CYP4X1: variants seen among roughly 807,000 people sequenced by gnomAD.
CYP4X1 encodes the protein cytochrome P450 4X1.
In CYP4X1, 44 loss-of-function variants were observed where a neutral mutation model predicts 57.9. The observed-to-expected ratio is 0.76, with a 90% CI of 0.60 to 0.98. The LOEUF is 0.98. Among genes scored for constraint, CYP4X1 ranks in the 50% least tolerant of loss-of-function variants. The probability of loss-of-function intolerance (pLI) is 0.00; values close to 1 mark genes in which losing one functional copy is unlikely to be tolerated. For missense variants in CYP4X1, 532 were observed against 623.9 expected (o/e 0.85, Z 1.57); for synonymous variants, 227 against 228.6 (o/e 0.99, Z 0.06).
chr1:47,053,843 A>T (rs1644374636), downstream of CYP4X1, among the ~76,000 whole-genome samples: 1 of 152,160 alleles, frequency 6.6e-6, no homozygotes, highest in Admixed American at 6.5e-5. Context: ...AGTAGGTTGC[A>T]AAAATTTTCT....
chr1:47,003,551 G>A, the CYP4X1 span, among the ~76,000 whole-genome samples: 1 of 152,012 alleles, frequency 6.6e-6, no homozygotes, highest in South Asian at 2.1e-4. Flanking sequence ...GCATGATGCC[G>A]GCAACTGCTC....
the CYP4X1 span, among the ~76,000 whole-genome samples, chr1:46,964,241 C>T: frequency 6.6e-6 from 1 of 152,196 alleles, no homozygotes; most frequent in Admixed American, 6.5e-5. Context: ...TCTCTCAATG[C>T]ATCAAAGTCA....
chr1:47,016,443 G>A, the CYP4X1 span, among the ~76,000 whole-genome samples: 3 of 151,716 alleles, frequency 2.0e-5, no homozygotes, highest in African/African-American at 7.3e-5. Flanking sequence ...CCAGGTTCAC[G>A]CCATTCTCCT....
chr1:47,030,218 G>T (rs1644111382), intron 2 of CYP4X1, 87 bp downstream of exon 2: 1 of 1,502,734 alleles, frequency 6.7e-7, no homozygotes, highest in South Asian at 1.3e-5. Flanking sequence ...AGCAAAGATT[G>T]GTTTGGGGCC....
chr1:47,026,045 C>T (rs762513423), intron 1 of CYP4X1, among the ~76,000 whole-genome samples: 26 of 152,238 alleles, frequency 1.7e-4, no homozygotes, highest in Non-Finnish European at 4.4e-5. Flanking sequence ...TCTATCCTAA[C>T]TCATGGACAC....
intron 1 of CYP4X1, among the ~76,000 whole-genome samples, chr1:47,024,714 C>G (rs183112870): frequency 6.6e-6 from 1 of 152,108 alleles, no homozygotes; most frequent in Non-Finnish European, 1.5e-5. Context: ...GCAATGGGTG[C>G]TTTACTAGAG....
At chr1:47,002,928 A>G in the CYP4X1 span, 1 of 152,236 alleles carries the variant, frequency 6.6e-6, no homozygotes, top group African/African-American at 2.4e-5. Flanking sequence ...TTGGCAAGAC[A>G]GATCCAGAGG....
chr1:47,046,337 C>A, intron 8 of CYP4X1, 130 bp from the exon 9 acceptor site: 1 of 1,260,498 alleles, frequency 7.9e-7, no homozygotes, highest in Non-Finnish European at 1.1e-6. Flanking sequence ...CCCATTTTAA[C>A]ATTCTGTTAC....
the CYP4X1 span, among the ~76,000 whole-genome samples, chr1:46,973,372 A>G: frequency 6.6e-6 from 1 of 152,008 alleles, no homozygotes; most frequent in African/African-American, 2.4e-5. Context: ...CCTCAGGGGT[A>G]TTGGCCTGAT....
the CYP4X1 span, chr1:46,967,720 T>C: frequency 6.6e-6 from 7 of 1,065,754 alleles, no homozygotes; most frequent in African/African-American, 1.0e-4. Flanking sequence ...CCTCCTGAGA[T>C]GCAGGTGGAT....
chr1:47,017,687 C>T, the CYP4X1 span, among the ~76,000 whole-genome samples: 1 of 152,098 alleles, frequency 6.6e-6, no homozygotes, highest in African/African-American at 2.4e-5. Context: ...CTAATTGCCC[C>T]CTTTGGAGAG....
rs1440883216 is a variant in CYP4X1, at chr1:47,046,609, A to G, written c.1207+9A>G. The G allele has an allele frequency of 1.9e-6, 3 of 1,614,010 alleles. No homozygotes were observed. The Admixed American group carries it at 5.0e-5, about 27-fold the overall frequency. ...ATGCACATTGCCTGCAGGTCTTTAC[A>G]TTCTTTTCCTAAGCAGTTCTTAGAG... On this transcript the variant is annotated intron_variant, in intron 9 of 11. Transcript: ENST00000371901.
chr1:46,989,673 A>C, the CYP4X1 span, among the ~76,000 whole-genome samples: 1 of 152,236 alleles, frequency 6.6e-6, no homozygotes, highest in African/African-American at 2.4e-5. Context: ...ACAGTAACCA[A>C]AACAGCATAG....
intron 10 of CYP4X1, among the ~76,000 whole-genome samples, chr1:47,049,173 AGTACCCTAAAAAAAT>A (rs1644334727): frequency 6.6e-6 from 1 of 152,224 alleles, no homozygotes; most frequent in Non-Finnish European, 1.5e-5. Flanking sequence ...TTGAAGACAT[AGTACCCTAAAAAAAT>A]GTGAAACATT....
intron 11 of CYP4X1, 124 bp downstream of exon 11, chr1:47,049,628 C>A: frequency 1.2e-6 from 1 of 863,402 alleles, no homozygotes; most frequent in Non-Finnish European, 1.9e-6. Context: ...CCTATTTGAG[C>A]CCCAAAGGAT....
chr1:47,000,441 C>G, the CYP4X1 span, among the ~76,000 whole-genome samples: 2 of 152,184 alleles, frequency 1.3e-5, no homozygotes, highest in Non-Finnish European at 2.9e-5. Flanking sequence ...GGGATGGACT[C>G]TCCTCTATGC....
At chr1:47,044,627 T>G (rs1644281580) in intron 8 of CYP4X1, among the ~76,000 whole-genome samples, 1 of 152,202 alleles carries the variant, frequency 6.6e-6, no homozygotes, top group African/African-American at 2.4e-5. Context: ...TAATTAGTAT[T>G]CTTTCATTTC....
the CYP4X1 span, among the ~76,000 whole-genome samples, chr1:47,013,352 T>A: frequency 9.8e-5 from 15 of 152,314 alleles, no homozygotes; most frequent in East Asian, 2.3e-3. Flanking sequence ...GTCAAGTTAT[T>A]TCGTTTCTCA....
Position 47,023,842 on chromosome 1 carries a change from CGCTGGGCGCGGCCCT to C in CYP4X1, c.26_40del (p.Arg9_Phe14delinsLeu). ...CATGGAATTCTCCTGGCTGGAGACG[CGCTGGGCGCGGCCCT>C]TTTACCTGGCGTTCGTGTTCTGCCT... On this transcript the variant is annotated inframe_deletion, in exon 1 of 12. Transcript: ENST00000371901. 1 of 1,613,324 alleles carries C rather than the reference CGCTGGGCGCGGCCCT, an allele frequency of 6.2e-7. No individual in the cohort carries two copies. The highest frequency in any genetic ancestry group is 2.2e-5 in the East Asian group (1 of 44,876).
Sources: gnomAD v4.1 joint callset for allele counts (sites outside exome capture counted in the v4.1 genomes callset) on GRCh38, gnomAD v4.1.1 for gene constraint, MANE v1.5 for transcripts, NCBI Gene and HGNC (gene_info 2026-07-23, HGNC 2026-07-21) for gene names.